OTUD7A: variants seen among roughly 807,000 people sequenced by gnomAD.
The protein encoded by OTUD7A is OTU domain-containing protein 7A.
Under a neutral mutation model 65.7 loss-of-function variants are expected in OTUD7A, and 12 were observed. The ratio of observed to expected loss-of-function variants is 0.18; its 90% CI spans 0.12 to 0.30. The LOEUF is 0.30. OTUD7A is among the 10% of genes least tolerant of loss of function. OTUD7A has a pLI of 1.00. For synonymous variants in OTUD7A, 641 were observed against 586.3 expected (o/e 1.09, Z -1.35); for missense variants, 1,148 against 1,304.8 (o/e 0.88, Z 1.85).
intron 9 of OTUD7A, among the ~76,000 whole-genome samples, 172 bp from the exon 10 acceptor site, chr15:31,502,011 ATCTG>A (rs2041476484): frequency 6.6e-6 from 1 of 152,148 alleles, no homozygotes; most frequent in Non-Finnish European, 1.5e-5. Flanking sequence ...TTCCAGAGTC[ATCTG>A]TCTGCCCCAG....
intron 5 of OTUD7A, among the ~76,000 whole-genome samples, chr15:31,533,051 A>G (rs1176525199): frequency 6.6e-6 from 1 of 151,958 alleles, no homozygotes; most frequent in Non-Finnish European, 1.5e-5. Context: ...CAAACCCTAA[A>G]CAGAAAAAAA....
At position 31,755,548 on chromosome 15, in the gene OTUD7A, C is replaced by T. The variant is rs562676776; in HGVS notation, c.-99-98471G>A. On this transcript the variant is annotated intron_variant, in intron 1 of 12. Coordinates refer to ENST00000307050, the MANE Select transcript of OTUD7A (RefSeq NM_001382637.1). Reference sequence around the variant, plus strand: ...CATTCTGGCTAACACGGTGAAACCCCGTCTCTACTAAAAATACAAAAAAAT... The same window carrying T: ...CATTCTGGCTAACACGGTGAAACCCTGTCTCTACTAAAAATACAAAAAAAT... 3.3e-5 allele frequency among the ~76,000 whole-genome samples: 5 copies of T among 152,088 alleles called. No homozygotes were observed. The South Asian group carries it at 1.0e-3, about 32-fold the overall frequency.
intron 3 of OTUD7A, among the ~76,000 whole-genome samples, chr15:31,594,715 G>C (rs764037325): frequency 1.3e-5 from 2 of 152,188 alleles, no homozygotes; most frequent in African/African-American, 2.4e-5. Flanking sequence ...CACTCATGGA[G>C]GGATCAGAAT....
rs201400449 is a variant in OTUD7A, at chr15:31,645,393, T to C, written c.151+9703A>G. 9.8e-5 allele frequency among the ~76,000 whole-genome samples: 15 copies of C among 152,320 alleles called. No homozygotes were observed. The East Asian group carries it at 2.7e-3, about 27-fold the overall frequency. On this transcript the variant is annotated intron_variant, in intron 3 of 12. Coordinates refer to ENST00000307050, the MANE Select transcript of OTUD7A (RefSeq NM_001382637.1). ...GTGCTGTCTGTTTTAAAACTTTTTA[T>C]TATGGAAACATTCGTACATCACTTA...
At chr15:31,528,367 G>A (rs1180233157) in intron 6 of OTUD7A, among the ~76,000 whole-genome samples, 1 of 152,254 alleles carries the variant, frequency 6.6e-6, no homozygotes, top group East Asian at 1.9e-4. Context: ...AAGGCAAGAG[G>A]GAAAGGTGGC....
At chr15:31,641,070 G>A (rs1397166841) in intron 3 of OTUD7A, among the ~76,000 whole-genome samples, 1 of 152,144 alleles carries the variant, frequency 6.6e-6, no homozygotes, top group African/African-American at 2.4e-5. Flanking sequence ...ATCCCCACGT[G>A]TCAAGGGCAT....
intron 3 of OTUD7A, among the ~76,000 whole-genome samples, chr15:31,638,829 A>C (rs774215911): frequency 6.6e-5 from 10 of 152,226 alleles, no homozygotes; most frequent in East Asian, 1.9e-4. Context: ...CCATACATAT[A>C]TACCACTCTC....
intron 1 of OTUD7A, among the ~76,000 whole-genome samples, chr15:31,716,452 G>A (rs1595723513): frequency 8.7e-6 from 1 of 115,206 alleles, no homozygotes; most frequent in South Asian, 4.0e-4. Flanking sequence ...TTCAAAGATG[G>A]AGGAGCAAAT....
Position 31,697,356 on chromosome 15 carries a change from T to C in OTUD7A, c.-99-40279A>G, listed in dbSNP as rs1595713782. Among the ~76,000 whole-genome samples the C allele has an allele frequency of 4.8e-5, 7 of 144,704 alleles. No individual in the cohort carries two copies. In the South Asian group the frequency reaches 1.7e-3, roughly 35 times the overall value. 94.9% of individuals were successfully genotyped at this position (144,704 alleles called of 152,430 possible). On this transcript the variant is annotated intron_variant, in intron 1 of 12. Coordinates refer to ENST00000307050, the MANE Select transcript of OTUD7A (RefSeq NM_001382637.1). ...CTTTGCTTTCACTCACTCACCCACA[T>C]TACTTTCTGTGGCGTTAGCAATCAC...
intron 3 of OTUD7A, among the ~76,000 whole-genome samples, chr15:31,641,644 T>C (rs1032567359): frequency 4.6e-5 from 7 of 152,254 alleles, no homozygotes; most frequent in Admixed American, 1.3e-4. Flanking sequence ...GTTGTAAATT[T>C]ATTCATATTT....
At chr15:31,778,711 A>C (rs1261179881) in intron 1 of OTUD7A, among the ~76,000 whole-genome samples, 1 of 152,152 alleles carries the variant, frequency 6.6e-6, no homozygotes, top group African/African-American at 2.4e-5. Flanking sequence ...TCGTTGAAAA[A>C]GTAAACAAGA....
At chr15:31,852,339 T>C (rs2141006169) in intron 1 of OTUD7A, among the ~76,000 whole-genome samples, 1 of 152,366 alleles carries the variant, frequency 6.6e-6, no homozygotes, top group East Asian at 1.9e-4. Context: ...CTCTTGTTCC[T>C]TGGAATTTAG....
chr15:31,684,277 A>G (rs1265757306), intron 1 of OTUD7A, among the ~76,000 whole-genome samples: 1 of 152,074 alleles, frequency 6.6e-6, no homozygotes, highest in Admixed American at 6.5e-5. Flanking sequence ...GAAGCAGGAG[A>G]AAGGAGATGG....
chr15:31,682,133 A>T (rs1334265632), intron 1 of OTUD7A, among the ~76,000 whole-genome samples: 1 of 152,172 alleles, frequency 6.6e-6, no homozygotes, highest in Non-Finnish European at 1.5e-5. Context: ...CAGTGGTGCA[A>T]AGCTAGAAAA....
intron 5 of OTUD7A, among the ~76,000 whole-genome samples, chr15:31,536,728 TA>T (rs1214631027): frequency 6.6e-6 from 1 of 152,184 alleles, no homozygotes; most frequent in Non-Finnish European, 1.5e-5. Context: ...CTAAGTGAAA[TA>T]AATCATGCAC....
At chr15:31,733,953 A>G (rs2141364510) in intron 1 of OTUD7A, among the ~76,000 whole-genome samples, 1 of 152,348 alleles carries the variant, frequency 6.6e-6, no homozygotes, top group East Asian at 1.9e-4. Flanking sequence ...GGGCAGGTGA[A>G]ACACGTTAAT....
intron 8 of OTUD7A, among the ~76,000 whole-genome samples, chr15:31,511,915 C>G (rs1397620868): frequency 6.6e-6 from 1 of 152,010 alleles, no homozygotes; most frequent in Non-Finnish European, 1.5e-5. Flanking sequence ...ATGGGGATTT[C>G]TCACCTCTTT....
rs116360797 is a variant in OTUD7A, at chr15:31,858,449, T to C, written c.-100+12058A>G. On this transcript the variant is annotated intron_variant, in intron 1 of 12. Coordinates refer to ENST00000307050, the MANE Select transcript of OTUD7A (RefSeq NM_001382637.1). ...AGAGGAAGAGGCAGCAGCTCAGCCATGTACATCTGCCAAATGCCCAAGTGC... is the reference window on the plus strand; with the variant it reads ...AGAGGAAGAGGCAGCAGCTCAGCCACGTACATCTGCCAAATGCCCAAGTGC... Among the ~76,000 whole-genome samples, 1,069 of 152,214 alleles carry C rather than the reference T, an allele frequency of 7.0e-3. 15 individuals are homozygous for C. Among genetic ancestry groups the C allele is most frequent in the African/African-American group, 0.025 (1,029 of 41,534 alleles).
At chr15:31,659,543 G>A (rs948447482) in intron 1 of OTUD7A, among the ~76,000 whole-genome samples, 14 of 152,240 alleles carry the variant, frequency 9.2e-5, no homozygotes, top group African/African-American at 2.4e-4. Context: ...AAAAATTAGC[G>A]CAAAAATATC....
Sources: allele counts gnomAD v4.1 joint callset (sites outside exome capture counted in the v4.1 genomes callset), GRCh38; gene constraint gnomAD v4.1.1; transcripts MANE v1.5; gene names NCBI Gene and HGNC (gene_info 2026-07-23, HGNC 2026-07-21).